DLG2: variants seen among roughly 807,000 people sequenced by gnomAD.
DLG2 encodes the protein disks large homolog 2.
Under a neutral mutation model 132.5 loss-of-function variants are expected in DLG2, and 45 were observed. The observed-to-expected ratio is 0.34, with a 90% CI of 0.27 to 0.44. DLG2 has a LOEUF of 0.44. Among genes scored for constraint, DLG2 ranks in the 20% least tolerant of loss-of-function variants. DLG2 has a pLI of 1.00. For synonymous variants in DLG2, 424 were observed against 419.6 expected (o/e 1.01, Z -0.13); for missense variants, 1,045 against 1,196.9 (o/e 0.87, Z 1.87).
At chr11:84,643,523 T>C (rs2099670755) in intron 6 of DLG2, among the ~76,000 whole-genome samples, 1 of 152,150 alleles carries the variant, frequency 6.6e-6, no homozygotes, top group Admixed American at 6.5e-5. Flanking sequence ...AGTAAAATCA[T>C]CCTGTACACT....
At chr11:85,122,874 ATATATG>A (rs1399226219) in intron 5 of DLG2, among the ~76,000 whole-genome samples, 2 of 147,350 alleles carry the variant, frequency 1.4e-5, no homozygotes, top group Non-Finnish European at 3.0e-5. Context: ...ATACACACAT[ATATATG>A]TATATTTATA....
At chr11:84,815,462 C>T (rs1205519849) in intron 6 of DLG2, among the ~76,000 whole-genome samples, 1 of 151,984 alleles carries the variant, frequency 6.6e-6, no homozygotes, top group Non-Finnish European at 1.5e-5. Flanking sequence ...TCTTTACCTG[C>T]TGCATCACCG....
intron 7 of DLG2, among the ~76,000 whole-genome samples, chr11:84,482,460 A>G (rs970162173): frequency 1.3e-5 from 2 of 152,218 alleles, no homozygotes; most frequent in African/African-American, 4.8e-5. Context: ...CATTTTTGAA[A>G]ACATTGATTA....
chr11:84,140,657 T>C (rs2094803188), intron 9 of DLG2, among the ~76,000 whole-genome samples: 1 of 152,128 alleles, frequency 6.6e-6, no homozygotes, highest in South Asian at 2.1e-4. Flanking sequence ...TATGGCTTAT[T>C]TCCCAAACAT....
At position 85,138,960 on chromosome 11, in the gene DLG2, G is replaced by A. The variant is rs182602707; in HGVS notation, c.282+15596C>T. On this transcript the variant is annotated intron_variant, in intron 5 of 27. Transcript: ENST00000376104. ...TGTTTCACTCTAATTCTTCCTCCGG[G>A]CCTTGAATTTGTTGTTTCTTCTGCC... Among the ~76,000 whole-genome samples the A allele has an allele frequency of 1.4e-4, 21 of 151,992 alleles. 1 individual carries two copies. The highest frequency in any genetic ancestry group is 4.1e-4 in the African/African-American group (17 of 41,456).
chr11:84,104,401 T>C (rs2092759004), intron 9 of DLG2, among the ~76,000 whole-genome samples: 2 of 151,870 alleles, frequency 1.3e-5, no homozygotes, highest in South Asian at 2.1e-4. Context: ...ATGGGGACAA[T>C]AGATACTGGG....
intron 3 of DLG2, among the ~76,000 whole-genome samples, chr11:85,516,017 CT>C (rs2094162172): frequency 6.6e-6 from 1 of 151,948 alleles, no homozygotes; most frequent in African/African-American, 2.4e-5. Context: ...AATAATTGCC[CT>C]GATTACATTC....
At chr11:85,171,993 T>C (rs2078910440) in intron 4 of DLG2, among the ~76,000 whole-genome samples, 1 of 152,206 alleles carries the variant, frequency 6.6e-6, no homozygotes, top group Non-Finnish European at 1.5e-5. Flanking sequence ...GTGGCCACTG[T>C]CCCTGTGGTT....
At chr11:85,616,650 G>C (rs1044299629) in intron 2 of DLG2, among the ~76,000 whole-genome samples, 1 of 152,054 alleles carries the variant, frequency 6.6e-6, no homozygotes, top group Non-Finnish European at 1.5e-5. Context: ...AGAGATTCTC[G>C]GGTACAGGCA....
At chr11:83,865,477 A>C (rs912335362) in intron 16 of DLG2, among the ~76,000 whole-genome samples, 1 of 152,074 alleles carries the variant, frequency 6.6e-6, no homozygotes, top group African/African-American at 2.4e-5. Flanking sequence ...AGACAAGAAT[A>C]AAAGAGAAAA....
chr11:85,027,127 T>C (rs1439336972), intron 6 of DLG2, among the ~76,000 whole-genome samples: 1 of 150,278 alleles, frequency 6.7e-6, no homozygotes, highest in Non-Finnish European at 1.5e-5. Context: ...TCATTATATA[T>C]TTAAAAGAAG....
At chr11:84,713,171 T>C (rs1198259002) in intron 6 of DLG2, among the ~76,000 whole-genome samples, 1 of 152,102 alleles carries the variant, frequency 6.6e-6, no homozygotes, top group Non-Finnish European at 1.5e-5. Context: ...ATCCTGCTAT[T>C]TGAAAGAGTA....
At chr11:83,796,137 T>C (rs950656398) in intron 17 of DLG2, among the ~76,000 whole-genome samples, 2 of 152,302 alleles carry the variant, frequency 1.3e-5, no homozygotes, top group Admixed American at 6.5e-5. Flanking sequence ...TAAAAGAGGA[T>C]TGTGAGTGAA....
At position 84,325,722 on chromosome 11, in the gene DLG2, T is replaced by G. The variant is rs144251991; in HGVS notation, c.520-74431A>C. ...TGGTGTGCAGTAGTATTTCTGTGATTTTTTTTCTAGCTTTAGCATCAGGGT... is the reference window on the plus strand; with the variant it reads ...TGGTGTGCAGTAGTATTTCTGTGATGTTTTTTCTAGCTTTAGCATCAGGGT... On this transcript the variant is annotated intron_variant, in intron 7 of 27. Transcript: ENST00000376104. Among the ~76,000 whole-genome samples the G allele has an allele frequency of 4.8e-4, 73 of 152,288 alleles. No individual in the cohort carries two copies. In the East Asian group the frequency reaches 8.1e-3, roughly 17 times the overall value.
chr11:84,111,875 T>C (rs1180374547), intron 9 of DLG2, among the ~76,000 whole-genome samples: 1 of 152,240 alleles, frequency 6.6e-6, no homozygotes, highest in African/African-American at 2.4e-5. Flanking sequence ...CCAAGTTTTA[T>C]TGATTCTATC....
chr11:83,479,374 C>CGG (rs67710156), intron 22 of DLG2, among the ~76,000 whole-genome samples: 28 of 151,294 alleles, frequency 1.9e-4, no homozygotes, highest in African/African-American at 6.5e-4. Context: ...CATGCTATAA[C>CGG]GGGGGGGGGA....
chr11:84,519,242 G>A (rs1053916483), intron 7 of DLG2, among the ~76,000 whole-genome samples: 33 of 152,112 alleles, frequency 2.2e-4, no homozygotes, highest in African/African-American at 8.0e-4. Flanking sequence ...TTTTATGACT[G>A]ATATTTCTAT....
At chr11:85,054,070 G>C (rs2063195518) in intron 6 of DLG2, among the ~76,000 whole-genome samples, 1 of 151,768 alleles carries the variant, frequency 6.6e-6, no homozygotes, top group Non-Finnish European at 1.5e-5. Context: ...ATCGAGACCA[G>C]CCTAACCAAC....
chr11:85,282,258 A>T (rs2078278649), intron 4 of DLG2, among the ~76,000 whole-genome samples: 1 of 151,884 alleles, frequency 6.6e-6, no homozygotes. Flanking sequence ...GGGTACAAAA[A>T]TACAGTTAGA....
Sources: gnomAD v4.1 joint callset for allele counts (sites outside exome capture counted in the v4.1 genomes callset) on GRCh38, gnomAD v4.1.1 for gene constraint, MANE v1.5 for transcripts, NCBI Gene and HGNC (gene_info 2026-07-23, HGNC 2026-07-21) for gene names.